The following SORBS2 variants were observed in gnomAD, a reference collection of about 807,000 sequenced individuals.
SORBS2 encodes sorbin and SH3 domain-containing protein 2.
In SORBS2, 46 loss-of-function variants were observed where a neutral mutation model predicts 97.7. The observed-to-expected ratio is 0.47, with a 90% CI of 0.37 to 0.60. The LOEUF (loss-of-function observed/expected upper bound fraction) is 0.60. Among genes scored for constraint, SORBS2 ranks in the 20% least tolerant of loss-of-function variants. The pLI, the probability that SORBS2 is intolerant of heterozygous loss-of-function variation, is 0.00. For missense variants in SORBS2, 1,316 were observed against 1,282.3 expected (o/e 1.03, Z -0.40); for synonymous variants, 476 against 473.4 (o/e 1.01, Z -0.07).
At position 185,729,458 on chromosome 4, in the gene SORBS2, C is replaced by T. The variant is rs73015583; in HGVS notation, c.-198+45769G>A. On this transcript the variant is annotated intron_variant, in intron 2 of 20. Coordinates refer to the SORBS2 transcript ENST00000284776. The stretch of plus-strand genomic sequence containing the variant: ...CTCTCAGGGCCTCCTCTGCCTGCTT[C>T]GTCCTTATGGAGCTGATGTGGGGAG... Among the ~76,000 whole-genome samples the T allele has an allele frequency of 4.3e-3, 651 of 152,304 alleles. 8 individuals are homozygous for T. The highest frequency in any genetic ancestry group is 0.015 in the African/African-American group (634 of 41,556).
intron 1 of SORBS2, among the ~76,000 whole-genome samples, chr4:185,915,923 A>G (rs535997042): frequency 2.0e-5 from 3 of 152,326 alleles, no homozygotes; most frequent in African/African-American, 7.2e-5. Flanking sequence ...GAAACTGAAG[A>G]CTGTGGTGTT....
At chr4:185,820,229 A>T (rs974885118) in intron 1 of SORBS2, among the ~76,000 whole-genome samples, 7 of 152,172 alleles carry the variant, frequency 4.6e-5, no homozygotes, top group Non-Finnish European at 7.3e-5. Context: ...GCAAAGGAGA[A>T]ACAGGCACTA....
chr4:185,937,169 C>CAGTGAGTGAGTGAGTG (rs75789532), intron 1 of SORBS2, among the ~76,000 whole-genome samples: 3 of 151,574 alleles, frequency 2.0e-5, no homozygotes, highest in African/African-American at 4.9e-5. Context: ...GTGCTTCTGC[C>CAGTGAGTGAGTGAGTG]AGTGAGTGAG....
At chr4:185,784,473 T>G (rs1267260251) in intron 1 of SORBS2, among the ~76,000 whole-genome samples, 1 of 152,156 alleles carries the variant, frequency 6.6e-6, no homozygotes, top group Non-Finnish European at 1.5e-5. Context: ...TTTTGTAGAC[T>G]GAAATGCAGA....
At chr4:185,873,643 A>C (rs2099231665) in intron 1 of SORBS2, among the ~76,000 whole-genome samples, 1 of 152,236 alleles carries the variant, frequency 6.6e-6, no homozygotes, top group South Asian at 2.1e-4. Flanking sequence ...CTGCTTCTAC[A>C]TAAAAAATGA....
intron 1 of SORBS2, among the ~76,000 whole-genome samples, chr4:185,927,663 A>G (rs2099264398): frequency 6.6e-6 from 1 of 152,234 alleles, no homozygotes; most frequent in African/African-American, 2.4e-5. Context: ...TAGTTACAAA[A>G]TAAAAGCCCA....
intron 1 of SORBS2, among the ~76,000 whole-genome samples, chr4:185,943,620 G>C (rs2099273158): frequency 6.6e-6 from 1 of 152,040 alleles, no homozygotes; most frequent in African/African-American, 2.4e-5. Context: ...AAATAGCAGG[G>C]GGAATATATT....
At chr4:185,673,154 G>A (rs956464057) in intron 4 of SORBS2, among the ~76,000 whole-genome samples, 34 of 152,300 alleles carry the variant, frequency 2.2e-4, no homozygotes, top group African/African-American at 7.9e-4. Context: ...ACTGGTGGTT[G>A]CCAGGCGCTT....
chr4:185,676,429 T>C (rs574962027), intron 4 of SORBS2, among the ~76,000 whole-genome samples: 1 of 152,334 alleles, frequency 6.6e-6, no homozygotes, highest in Non-Finnish European at 1.5e-5. Context: ...ATGGAAAGTT[T>C]TACTTCCTGA....
intron 2 of SORBS2, among the ~76,000 whole-genome samples, chr4:185,718,434 G>T (rs2098483988): frequency 6.6e-6 from 1 of 152,246 alleles, no homozygotes; most frequent in East Asian, 1.9e-4. Flanking sequence ...CACCCATCTT[G>T]AGAAAAGACA....
intron 1 of SORBS2, among the ~76,000 whole-genome samples, chr4:185,891,743 T>C (rs2099242634): frequency 6.6e-6 from 1 of 152,166 alleles, no homozygotes; most frequent in South Asian, 2.1e-4. Context: ...CTGTGGCCAG[T>C]CTTGTGCCAA....
intron 1 of SORBS2, among the ~76,000 whole-genome samples, chr4:185,867,012 T>C (rs956603091): frequency 7.2e-5 from 11 of 151,986 alleles, no homozygotes; most frequent in African/African-American, 2.7e-4. Context: ...TTTATTTTAT[T>C]ATTTATTTAT....
chr4:185,917,717 C>T (rs1173135491), intron 1 of SORBS2, among the ~76,000 whole-genome samples: 4 of 152,088 alleles, frequency 2.6e-5, no homozygotes, highest in East Asian at 1.9e-4. Flanking sequence ...TGGGACTGAA[C>T]CTTCAACCTG....
chr4:185,760,689 A>C lies in SORBS2; in HGVS notation c.-198+14538T>G, dbSNP rs142210642. Among the ~76,000 whole-genome samples, 100 of 152,378 alleles carry C rather than the reference A, an allele frequency of 6.6e-4. 1 individual carries two copies. The highest frequency in any genetic ancestry group is 2.3e-3 in the African/African-American group (94 of 41,596). On this transcript the variant is annotated intron_variant, in intron 2 of 20. Transcript: ENST00000284776. Reference sequence around the variant, plus strand: ...TGATCCCTGGCAAAGATACACCACAAAAAAGCTCGGCTGCCTTTCACAAAT... The same window carrying C: ...TGATCCCTGGCAAAGATACACCACACAAAAGCTCGGCTGCCTTTCACAAAT...
chr4:185,624,296 G>A lies in SORBS2; in HGVS notation c.833C>T (p.Thr278Ile), dbSNP rs755706619. ...CCGGGATTTGATTTTGGGAGAGACG[G>A]TTTCTTCCGTGCTGCTCCAGATTTC... The change falls in exon 7 of 15, where the codon ACC becomes ATC. Residue 278 changes from threonine (T) to isoleucine (I), a missense_variant. Transcript: ENST00000418609. 6.2e-6 allele frequency: 10 copies of A among 1,614,042 alleles called. No individual in the cohort carries two copies. In the African/African-American group the frequency reaches 8.0e-5, roughly 13 times the overall value.
intron 1 of SORBS2, among the ~76,000 whole-genome samples, chr4:185,863,041 T>C (rs1229203473): frequency 6.6e-6 from 1 of 152,066 alleles, no homozygotes; most frequent in Non-Finnish European, 1.5e-5. Flanking sequence ...AGTGGAGAGG[T>C]GGGACACGGA....
chr4:185,644,369 C>T (rs1236833023), intron 4 of SORBS2, among the ~76,000 whole-genome samples: 1 of 152,082 alleles, frequency 6.6e-6, no homozygotes, highest in Non-Finnish European at 1.5e-5. Context: ...CTACTTAGGG[C>T]CTAAGTTTCT....
chr4:185,656,518 C>G, intron 1 of SORBS2: 4 of 758,870 alleles, frequency 5.3e-6, no homozygotes, highest in African/African-American at 1.8e-5. Context: ...GGTCTGCATT[C>G]CAGGGGAGCA....
intron 2 of SORBS2, among the ~76,000 whole-genome samples, chr4:185,705,114 C>A (rs1489164247): frequency 6.6e-6 from 1 of 152,214 alleles, no homozygotes; most frequent in African/African-American, 2.4e-5. Context: ...GTGTTCCCCA[C>A]CCAGTTGTCT....
Sources: gnomAD v4.1 joint callset for allele counts (sites outside exome capture counted in the v4.1 genomes callset) on GRCh38, gnomAD v4.1.1 for gene constraint, MANE v1.5 for transcripts, NCBI Gene and HGNC (gene_info 2026-07-23, HGNC 2026-07-21) for gene names.